Variants in AKR1C3 observed in about 807,000 individuals in gnomAD.
The protein encoded by AKR1C3 is aldo-keto reductase family 1 member C3, also known as 3-alpha hydroxysteroid dehydrogenase, type II.
AKR1C3 carries 48 observed loss-of-function variants against 43.6 expected under a neutral mutation model. The ratio of observed to expected loss-of-function variants is 1.10; its 90% CI spans 0.87 to 1.40. AKR1C3 has a LOEUF of 1.40. Among genes scored for constraint, AKR1C3 ranks in the 40% most tolerant of loss-of-function variants. The pLI, the probability that AKR1C3 is intolerant of heterozygous loss-of-function variation, is 0.00. For synonymous variants in AKR1C3, 162 were observed against 139.6 expected (o/e 1.16, Z -1.13); for missense variants, 482 against 391.2 (o/e 1.23, Z -1.96).
At chr10:5,106,511 G>A (rs1443491851) in intron 8 of AKR1C3, among the ~76,000 whole-genome samples, 2 of 152,172 alleles carry the variant, frequency 1.3e-5, no homozygotes, top group African/African-American at 2.4e-5. Context: ...AGCACTTTGG[G>A]AGGCTGAGGT....
chr10:5,104,581 T>C (rs1189084157), intron 7 of AKR1C3, among the ~76,000 whole-genome samples: 1 of 152,168 alleles, frequency 6.6e-6, no homozygotes, highest in Non-Finnish European at 1.5e-5. Flanking sequence ...TATTCTGTTA[T>C]ATGAAATTTT....
Position 5,096,497 on chromosome 10 carries a change from G to T in AKR1C3, c.172G>T (p.Glu58Ter). ...AGATTCTGCTCATTTATACAATAAT[G>T]AGGAGCAGGTTGGACTGGCCATCCG... The part of the protein sequence containing the change: ...HIDSAHLYNN[E>*]EQVGLAIRSK... The change falls in exon 2 of 9, where the codon GAG becomes TAG. Residue 58 changes from glutamate to a stop codon, truncating the protein, a stop_gained. Transcript: ENST00000380554. LOFTEE classifies it high-confidence loss of function. 1 of 1,613,910 alleles carries T rather than the reference G, an allele frequency of 6.2e-7. No homozygotes were observed. The highest frequency in any genetic ancestry group is 2.2e-5 in the East Asian group (1 of 44,882).
chr10:5,087,068 T>C (rs1838982849), intron 1 of AKR1C3, among the ~76,000 whole-genome samples: 1 of 152,164 alleles, frequency 6.6e-6, no homozygotes, highest in Admixed American at 6.5e-5. Flanking sequence ...ACCATTTACA[T>C]TTAAAGTTAG....
intron 1 of AKR1C3, among the ~76,000 whole-genome samples, chr10:5,084,196 T>C (rs1223350839): frequency 6.6e-6 from 1 of 152,140 alleles, no homozygotes; most frequent in African/African-American, 2.4e-5. Context: ...TCTTCTAGGG[T>C]TTTTATGGCT....
chr10:5,054,235 GT>G (rs1554779315), intron 1 of AKR1C3, among the ~76,000 whole-genome samples: 2 of 152,220 alleles, frequency 1.3e-5, no homozygotes, highest in East Asian at 3.8e-4. Context: ...GGATTGTAAA[GT>G]AAGAATAGAT....
intron 1 of AKR1C3, among the ~76,000 whole-genome samples, chr10:5,053,493 C>T (rs1219551569): frequency 6.6e-6 from 1 of 152,258 alleles, no homozygotes; most frequent in East Asian, 1.9e-4. Context: ...CTCCACACCT[C>T]CCTGCAAGCT....
chr10:5,056,118 A>G (rs1462631732), intron 1 of AKR1C3, among the ~76,000 whole-genome samples: 2 of 152,180 alleles, frequency 1.3e-5, no homozygotes, highest in Non-Finnish European at 2.9e-5. Context: ...GGTAGCCAAA[A>G]GTAAATCATC....
intron 1 of AKR1C3, among the ~76,000 whole-genome samples, chr10:5,077,343 G>T (rs1201295495): frequency 6.6e-6 from 1 of 152,082 alleles, no homozygotes; most frequent in East Asian, 1.9e-4. Context: ...AAATCAAAAA[G>T]CAAGGAAGCT....
At chr10:5,070,941 C>G (rs1358286521) in intron 1 of AKR1C3, among the ~76,000 whole-genome samples, 3 of 152,138 alleles carry the variant, frequency 2.0e-5, no homozygotes, top group Non-Finnish European at 2.9e-5. Context: ...TAGACTTAAC[C>G]AGTGTTTTGG....
At position 5,079,904 on chromosome 10, in the gene AKR1C3, A is replaced by T. The variant is rs150612332; in HGVS notation, c.85-16506A>T. Among the ~76,000 whole-genome samples, 597 of 152,342 alleles carry T rather than the reference A, an allele frequency of 3.9e-3. 4 individuals are homozygous for T. The highest frequency in any genetic ancestry group is 5.9e-3 in the Admixed American group (91 of 15,300). On this transcript the variant is annotated intron_variant, in intron 1 of 8. Transcript: ENST00000439082. Reference sequence around the variant, plus strand: ...TATGTAATCAAGTCACCAAAACTTCAGAAGGGCGAGGAAAGAAAATTTTCT... The same window carrying T: ...TATGTAATCAAGTCACCAAAACTTCTGAAGGGCGAGGAAAGAAAATTTTCT...
chr10:5,086,674 G>A (rs1838973415), intron 1 of AKR1C3, among the ~76,000 whole-genome samples: 1 of 152,032 alleles, frequency 6.6e-6, no homozygotes, highest in African/African-American at 2.4e-5. Context: ...TTGACAGTGG[G>A]GTGTTAAAGT....
chr10:5,091,764 A>C (rs1215749299), upstream of AKR1C3, among the ~76,000 whole-genome samples: 1 of 152,150 alleles, frequency 6.6e-6, no homozygotes, highest in East Asian at 1.9e-4. Context: ...CATTGTGTAC[A>C]TGTTAACATA....
At chr10:5,065,861 ATCTT>A (rs1374151441) in intron 1 of AKR1C3, among the ~76,000 whole-genome samples, 1 of 152,100 alleles carries the variant, frequency 6.6e-6, no homozygotes, top group Non-Finnish European at 1.5e-5. Flanking sequence ...ATCTTCATAA[ATCTT>A]TATGGGAGGC....
At chr10:5,061,138 C>T (rs149447514) in intron 1 of AKR1C3, among the ~76,000 whole-genome samples, 2,679 of 152,274 alleles carry the variant, frequency 0.018, 68 homozygotes, top group Admixed American at 0.037. Context: ...CCAGTGTGGG[C>T]GCCAAGGCCA....
At chr10:5,073,138 A>G (rs1047181886) in intron 1 of AKR1C3, among the ~76,000 whole-genome samples, 8 of 151,886 alleles carry the variant, frequency 5.3e-5, no homozygotes, top group African/African-American at 1.2e-4. Context: ...TAATTTTTGT[A>G]TTCTTAGTAG....
At chr10:5,096,310 C>G (rs1468272541) in intron 1 of AKR1C3, 100 bp from the exon 2 acceptor site, 20 of 1,410,874 alleles carry the variant, frequency 1.4e-5, no homozygotes, top group Non-Finnish European at 1.9e-5. Flanking sequence ...CACATACAGA[C>G]AGGAGGAAAA....
intron 5 of AKR1C3, among the ~76,000 whole-genome samples, chr10:5,100,255 T>C (rs1337112986): frequency 2.0e-5 from 3 of 152,106 alleles, no homozygotes; most frequent in Non-Finnish European, 4.4e-5. Context: ...GGTCACGCCA[T>C]TGCACTCCAG....
intron 1 of AKR1C3, among the ~76,000 whole-genome samples, chr10:5,095,626 C>T (rs915853924): frequency 1.3e-5 from 2 of 151,870 alleles, no homozygotes; most frequent in South Asian, 4.2e-4. Context: ...TAAAAAATAC[C>T]TTTCAAATCT....
intron 1 of AKR1C3, among the ~76,000 whole-genome samples, chr10:5,053,110 G>A (rs1838186097): frequency 6.6e-6 from 1 of 152,268 alleles, no homozygotes; most frequent in African/African-American, 2.4e-5. Context: ...TGGGACCGCA[G>A]GTGGAGCTGC....
Sources: gnomAD v4.1 joint callset for allele counts (sites outside exome capture counted in the v4.1 genomes callset) on GRCh38, gnomAD v4.1.1 for gene constraint, MANE v1.5 for transcripts, NCBI Gene and HGNC (gene_info 2026-07-23, HGNC 2026-07-21) for gene names.